The following CNST variants were observed in gnomAD, a reference collection of about 807,000 sequenced individuals.
CNST encodes the protein consortin.
A neutral mutation model predicts 72.4 loss-of-function variants in CNST; 39 were observed. The ratio of observed to expected loss-of-function variants is 0.54; its 90% CI spans 0.42 to 0.70. The LOEUF (loss-of-function observed/expected upper bound fraction) is 0.70, where lower values mean the gene tolerates loss of function less well. Ranked by LOEUF, CNST falls within the 30% of genes least tolerant of loss-of-function variation. The pLI is 0.00. For synonymous variants in CNST, 332 were observed against 320.1 expected (o/e 1.04, Z -0.40); for missense variants, 871 against 868.5 (o/e 1.00, Z -0.04).
At chr1:246,597,270 T>G (rs772318240) in intron 2 of CNST, among the ~76,000 whole-genome samples, 1 of 152,188 alleles carries the variant, frequency 6.6e-6, no homozygotes, top group Non-Finnish European at 1.5e-5. Flanking sequence ...AAAATTCACC[T>G]TTTTAAAGGG....
intron 10 of CNST, 74 bp downstream of exon 10, chr1:246,660,408 T>G: frequency 1.3e-6 from 2 of 1,484,218 alleles, no homozygotes; most frequent in Non-Finnish European, 1.8e-6. Flanking sequence ...GTGAATGATG[T>G]GACGTTTACT....
At chr1:246,645,944 T>A (rs968394703) in intron 8 of CNST, among the ~76,000 whole-genome samples, 63 of 152,144 alleles carry the variant, frequency 4.1e-4, no homozygotes, top group African/African-American at 1.5e-3. Context: ...TTTCTACTTG[T>A]TGCAAAAACT....
intron 2 of CNST, among the ~76,000 whole-genome samples, chr1:246,615,103 G>A (rs752108414): frequency 2.2e-4 from 34 of 152,150 alleles, no homozygotes; most frequent in Non-Finnish European, 4.7e-4. Context: ...GAATTCAGGC[G>A]GTGTGATCAA....
At chr1:246,639,538 G>A (rs1665540343) in intron 6 of CNST, among the ~76,000 whole-genome samples, 1 of 152,088 alleles carries the variant, frequency 6.6e-6, no homozygotes, top group African/African-American at 2.4e-5. Flanking sequence ...TGCTTTCTTA[G>A]GGGAGACCCG....
At chr1:246,582,042 A>G (rs1009366305) in intron 1 of CNST, among the ~76,000 whole-genome samples, 7 of 152,204 alleles carry the variant, frequency 4.6e-5, no homozygotes, top group African/African-American at 1.7e-4. Context: ...AAACTTTCAT[A>G]TAAGTCAAGT....
At chr1:246,571,243 G>T (rs1231443581) in intron 1 of CNST, among the ~76,000 whole-genome samples, 1 of 152,154 alleles carries the variant, frequency 6.6e-6, no homozygotes, top group Non-Finnish European at 1.5e-5. Context: ...CCACCTCCTG[G>T]GTTCAAGTGA....
Position 246,665,979 on chromosome 1 carries a change from G to C in CNST, c.*74G>C, listed in dbSNP as rs1047364534. 2 of 1,079,598 alleles carry C rather than the reference G, an allele frequency of 1.9e-6. No homozygotes were observed. Among genetic ancestry groups the C allele is most frequent in the Admixed American group, 4.3e-5 (2 of 47,038 alleles). 66.9% of individuals were successfully genotyped at this position (1,079,598 alleles called of 1,614,324 possible). A position where few individuals can be genotyped will look rare whatever the true frequency, so the allele number is the denominator to read the frequency against. On this transcript the variant is annotated 3_prime_UTR_variant, in exon 11 of 11. Transcript: ENST00000366513. ...ACTTTCTAAACAGTTTTTCTTTCAG[G>C]AATTCTGTAGCATTCCCCCTTCCCT... is the stretch of plus-strand genomic sequence containing the variant.
intron 2 of CNST, among the ~76,000 whole-genome samples, chr1:246,613,034 T>G (rs1167919743): frequency 6.6e-6 from 1 of 152,194 alleles, no homozygotes; most frequent in Admixed American, 6.5e-5. Context: ...GTGGATTATC[T>G]CATTTACTCC....
At position 246,647,590 on chromosome 1, in the gene CNST, A is replaced by T; in HGVS notation, c.1389A>T (p.Pro463=). The part of the protein sequence containing the change: ...SQAQRKELRL[P]LRDASEALPT... Reference sequence around the variant, plus strand: ...CTCAGAGGAAAGAACTCCGTTTGCCACTTCGGGATGCTTCTGAGGCGTTGC... The same window carrying T: ...CTCAGAGGAAAGAACTCCGTTTGCCTCTTCGGGATGCTTCTGAGGCGTTGC... Residue 463 remains proline (P), a synonymous_variant, in exon 9 of 11, where the codon CCA becomes CCT. Coordinates refer to ENST00000366513, the MANE Select transcript of CNST (RefSeq NM_152609.3). The T allele has an allele frequency of 6.2e-7, 1 of 1,614,228 alleles. No individual in the cohort carries two copies. Among genetic ancestry groups the T allele is most frequent in the South Asian group, 1.1e-5 (1 of 91,076 alleles).
chr1:246,662,577 CAG>C (rs1391703681), intron 10 of CNST, among the ~76,000 whole-genome samples: 17 of 152,126 alleles, frequency 1.1e-4, no homozygotes, highest in East Asian at 3.9e-4. Context: ...TTAGTAGAGA[CAG>C]GGGGTTTCAC....
intron 2 of CNST, among the ~76,000 whole-genome samples, chr1:246,596,547 T>C (rs1661899131): frequency 6.6e-6 from 1 of 152,238 alleles, no homozygotes; most frequent in Non-Finnish European, 1.5e-5. Context: ...TGGAAATTAA[T>C]GTGTTTTTTA....
intron 5 of CNST, 51 bp from the exon 6 acceptor site, chr1:246,634,422 T>C: frequency 9.2e-7 from 1 of 1,081,644 alleles, no homozygotes; most frequent in Non-Finnish European, 1.3e-6. Context: ...GTTTTTTTGC[T>C]CCTAAATATG....
At position 246,623,818 on chromosome 1, in the gene CNST, C is replaced by T. The variant is rs576486837; in HGVS notation, c.585+2184C>T. Among the ~76,000 whole-genome samples the T allele has an allele frequency of 4.7e-5, 7 of 148,162 alleles. No homozygotes were observed. The South Asian group carries it at 1.3e-3, about 27-fold the overall frequency. The stretch of plus-strand genomic sequence containing the variant: ...TAGCTCATACCTGTAATGCAGCACT[C>T]TGGGAGGTCGAGGCAGGCAGATTGC... On this transcript the variant is annotated intron_variant, in intron 3 of 10. Coordinates refer to ENST00000366513, the MANE Select transcript of CNST (RefSeq NM_152609.3).
rs1037723711 is a variant in CNST at position 246,633,725 on chromosome 1, A to G, written c.617-199A>G. Among the ~76,000 whole-genome samples the G allele has an allele frequency of 1.2e-4, 18 of 151,798 alleles. 1 individual carries two copies. The highest frequency in any genetic ancestry group is 4.4e-5 in the Non-Finnish European group (3 of 67,946). On this transcript the variant is annotated intron_variant, in intron 4 of 10. Coordinates refer to ENST00000366513, the MANE Select transcript of CNST (RefSeq NM_152609.3). ...CCCACTGCACTCCAGCCTGGACTAC[A>G]GAGCAAGATTCCATCTCAAGGAAAA... is the stretch of plus-strand genomic sequence containing the variant.
rs1667410648 is a variant in CNST, at chr1:246,666,872, G to GAA, written c.*967_*968insAA. ...TCCTGGTCTTATATAGAATAAACCA[G>GAA]TACTTTGCTGAGTGAAATCACCATA... On this transcript the variant is annotated 3_prime_UTR_variant, in exon 11 of 11. Coordinates refer to ENST00000366513, the MANE Select transcript of CNST (RefSeq NM_152609.3). The GAA allele has an allele frequency of 6.6e-6, 1 of 152,184 alleles. No homozygotes were observed. Among genetic ancestry groups the GAA allele is most frequent in the Non-Finnish European group, 1.5e-5 (1 of 68,034 alleles). The allele number at this position is 152,184 out of a possible 1,614,324, so 9.4% of individuals were successfully genotyped here.
chr1:246,632,684 C>T (rs887669723), intron 4 of CNST, among the ~76,000 whole-genome samples: 1 of 152,192 alleles, frequency 6.6e-6, no homozygotes, highest in Non-Finnish European at 1.5e-5. Context: ...CCTGACCTCA[C>T]AAGATGCAGA....
rs766045802 is a variant in CNST at position 246,647,266 on chromosome 1, A to C, written c.1065A>C (p.Ala355=). The C allele has an allele frequency of 1.1e-5, 18 of 1,614,066 alleles. 1 individual carries two copies. The South Asian group carries it at 1.9e-4, about 17-fold the overall frequency. The change falls in exon 9 of 11, where the codon GCA becomes GCC. Residue 355 remains alanine, a synonymous_variant. Transcript: ENST00000366513. The stretch of plus-strand genomic sequence containing the variant: ...ATTCCCCAAGCCTTTCGGTAACTGC[A>C]GGAAAGGACCACATGGAGGAGCTGC... ...QTDSPSLSVT[A]GKDHMEELLC...
At chr1:246,569,913 A>G (rs1354012569) in intron 1 of CNST, 17 of 981,558 alleles carry the variant, frequency 1.7e-5, no homozygotes, top group Non-Finnish European at 2.1e-5. Context: ...GAACTTGAGG[A>G]CCTTCAAGAA....
chr1:246,661,162 G>A (rs1409436122), intron 10 of CNST, among the ~76,000 whole-genome samples: 1 of 151,664 alleles, frequency 6.6e-6, no homozygotes, highest in African/African-American at 2.4e-5. Flanking sequence ...TGGAGACGGG[G>A]TTTCACCATG....
Sources: allele counts gnomAD v4.1 joint callset (sites outside exome capture counted in the v4.1 genomes callset), GRCh38; gene constraint gnomAD v4.1.1; transcripts MANE v1.5; gene names NCBI Gene and HGNC (gene_info 2026-07-23, HGNC 2026-07-21).